Variants in SLC8B1 observed in about 807,000 individuals in gnomAD.
SLC8B1 encodes mitochondrial sodium/calcium exchanger protein.
A neutral mutation model predicts 63.4 loss-of-function variants in SLC8B1; 52 were observed. The ratio of observed to expected loss-of-function variants is 0.82; its 90% CI spans 0.66 to 1.03. The LOEUF is 1.03. Ranked by LOEUF, SLC8B1 falls within the 50% of genes least tolerant of loss-of-function variation. SLC8B1 has a pLI of 0.00. For missense variants in SLC8B1, 657 were observed against 741.7 expected, an observed-to-expected ratio of 0.89 and a Z score of 1.33; for synonymous variants, 336 against 323.9, an observed-to-expected ratio of 1.04 and a Z score of -0.40.
At chr12:113,323,107 G>A (rs1288489940) in intron 2 of SLC8B1, among the ~76,000 whole-genome samples, 1 of 152,172 alleles carries the variant, frequency 6.6e-6, no homozygotes. Context: ...GCCATTGGGT[G>A]AGGACTGCTA....
intron 2 of SLC8B1, among the ~76,000 whole-genome samples, chr12:113,322,875 G>T (rs964148868): frequency 1.3e-5 from 2 of 152,186 alleles, no homozygotes; most frequent in Non-Finnish European, 2.9e-5. Flanking sequence ...ACCTGAGCCT[G>T]GAAGTTCAAG....
intron 2 of SLC8B1, among the ~76,000 whole-genome samples, chr12:113,330,168 G>C (rs1415064171): frequency 6.6e-6 from 1 of 152,174 alleles, no homozygotes; most frequent in Non-Finnish European, 1.5e-5. Flanking sequence ...CTCCAGGGGG[G>C]CAGGGACCAG....
In SLC8B1 at chr12:113,310,285, A is replaced by G; in HGVS notation, c.1206T>C (p.Ala402=). ...VVVVIAGTAL[A]SVTFFATSDS... ...CAGATGTGGCAAAAAAGGTCACTGA[A>G]GCCAAGGCTGTGCCTGCGATCACCA... Residue 402 remains alanine, a synonymous_variant, in exon 12 of 16, where the codon GCT becomes GCC. Coordinates refer to ENST00000680972, the MANE Select transcript of SLC8B1 (RefSeq NM_001358345.2). The G allele has an allele frequency of 1.9e-6, 3 of 1,614,140 alleles. No homozygotes were observed. The highest frequency in any genetic ancestry group is 2.5e-6 in the Non-Finnish European group (3 of 1,180,020).
At chr12:113,307,606 C>T in intron 13 of SLC8B1, 85 bp downstream of exon 13, 1 of 1,509,934 alleles carries the variant, frequency 6.6e-7, no homozygotes, top group South Asian at 1.3e-5. Context: ...GACACTCCTG[C>T]CCAGATGCGA....
At position 113,305,074 on chromosome 12, in the gene SLC8B1, C is replaced by T. The variant is rs12422330; in HGVS notation, c.1493-689G>A. 0.086 allele frequency among the ~76,000 whole-genome samples: 13,117 copies of T among 152,226 alleles called. 678 individuals are homozygous for T. The highest frequency in any genetic ancestry group is 0.16 in the Middle Eastern group (47 of 292). On this transcript the variant is annotated intron_variant, in intron 14 of 15. Coordinates refer to ENST00000680972, the MANE Select transcript of SLC8B1 (RefSeq NM_001358345.2). This position sits in a 1 kb window ranked among gnomAD's most constrained non-coding sequence, Gnocchi z 4.3. ...ACCTTAGGGTGCCAGGAATGCTTGG[C>T]GCATGTAAGCACTCAGTAGGTGGGG...
intron 11 of SLC8B1, among the ~76,000 whole-genome samples, chr12:113,313,178 T>C (rs1005721930): frequency 9.9e-5 from 15 of 152,152 alleles, no homozygotes; most frequent in African/African-American, 2.9e-4. Flanking sequence ...AGTGCTGGGA[T>C]TACAGGCGTG....
At chr12:113,330,833 G>T (rs990231139) in intron 2 of SLC8B1, among the ~76,000 whole-genome samples, 2 of 152,112 alleles carry the variant, frequency 1.3e-5, no homozygotes, top group African/African-American at 4.8e-5. Flanking sequence ...TGAAGAAATG[G>T]TGAGAACTCC....
At chr12:113,333,032 ACT>A in intron 1 of SLC8B1, 72 bp from the exon 2 acceptor site, 1 of 935,208 alleles carries the variant, frequency 1.1e-6, no homozygotes, top group Non-Finnish European at 1.6e-6. Context: ...GGGCTGGAAG[ACT>A]CTAGTTAAGG....
intron 12 of SLC8B1, among the ~76,000 whole-genome samples, chr12:113,309,332 C>T (rs1956723994): frequency 6.6e-6 from 1 of 152,150 alleles, no homozygotes; most frequent in African/African-American, 2.4e-5. Flanking sequence ...CCACGCCCAG[C>T]TAATTTAAGT....
intron 7 of SLC8B1, among the ~76,000 whole-genome samples, chr12:113,319,574 T>C (rs1212074473): frequency 1.3e-5 from 2 of 152,110 alleles, no homozygotes; most frequent in Non-Finnish European, 1.5e-5. Context: ...TCCCTGCCCC[T>C]GCTGCCACGA....
Position 113,320,631 on chromosome 12 carries a change from A to G in SLC8B1, c.476T>C (p.Val159Ala). The G allele has an allele frequency of 6.2e-7, 1 of 1,614,138 alleles. No individual in the cohort carries two copies. The highest frequency in any genetic ancestry group is 8.5e-7 in the Non-Finnish European group (1 of 1,180,028). Residue 159 changes from valine to alanine, a missense_variant, in exon 6 of 16, where the codon GTG (valine) becomes GCG (alanine). Transcript: ENST00000680972. The surrounding 1 kb of genome is among the most constrained non-coding windows in gnomAD (Gnocchi z 5.3). ...NGAPDIFSALVAFSDPHTAGL... is the reference protein window; with the variant it reads ...NGAPDIFSALAAFSDPHTAGL... ...GGCTGTGTGCGGGTCAGAGAAGGCC[A>G]CCAGGGCACTGAAGATGTCAGGTGC...
intron 11 of SLC8B1, among the ~76,000 whole-genome samples, chr12:113,314,434 G>A (rs1956807120): frequency 6.6e-6 from 1 of 152,260 alleles, no homozygotes; most frequent in Admixed American, 6.5e-5. Flanking sequence ...ATAGGAAACA[G>A]ACAGCATGAG....
At chr12:113,327,556 G>A (rs1175334165) in intron 2 of SLC8B1, among the ~76,000 whole-genome samples, 1 of 151,486 alleles carries the variant, frequency 6.6e-6, no homozygotes, top group African/African-American at 2.4e-5. Flanking sequence ...ACGGTGGCGT[G>A]TGCCTGTGTT....
chr12:113,309,326 G>A (rs900740707), intron 12 of SLC8B1, among the ~76,000 whole-genome samples: 4 of 152,072 alleles, frequency 2.6e-5, no homozygotes, highest in African/African-American at 4.8e-5. Flanking sequence ...CCGCCACCAC[G>A]CCCAGCTAAT....
At chr12:113,312,931 A>G (rs577723324) in intron 11 of SLC8B1, among the ~76,000 whole-genome samples, 86 of 151,716 alleles carry the variant, frequency 5.7e-4, no homozygotes, top group African/African-American at 1.9e-3. Context: ...TTTGAGACAG[A>G]GTCTCACTCT....
At chr12:113,323,675 C>A (rs1956959724) in intron 2 of SLC8B1, among the ~76,000 whole-genome samples, 1 of 152,004 alleles carries the variant, frequency 6.6e-6, no homozygotes, top group African/African-American at 2.4e-5. Flanking sequence ...TACCACTGCA[C>A]TCCAGCCTGG....
In SLC8B1 at chr12:113,307,725, C is replaced by A. The variant is rs939330924; in HGVS notation, c.1377G>T (p.Gly459=). ...TGTTCCCCCAGGCCAGCAGCGTGAG[C>A]CCCAGCACAGTGTTGCTCAGCCGGA... ...VVFRLSNTVL[G]LTLLAWGNSI... The change falls in exon 13 of 16, where the codon GGG becomes GGT. Residue 459 remains glycine, a synonymous_variant. Coordinates refer to ENST00000680972, the MANE Select transcript of SLC8B1 (RefSeq NM_001358345.2). 3.1e-6 allele frequency: 5 copies of A among 1,614,068 alleles called. No homozygotes were observed. Among genetic ancestry groups the A allele is most frequent in the Non-Finnish European group, 4.2e-6 (5 of 1,180,022 alleles).
intron 2 of SLC8B1, among the ~76,000 whole-genome samples, chr12:113,325,002 C>CCCTGAATTTTTTTTGTCTGCATT (rs1956979540): frequency 6.6e-6 from 1 of 152,182 alleles, no homozygotes; most frequent in African/African-American, 2.4e-5. Context: ...CCATGCCCAA[C>CCCTGAATTTTTTTTGTCTGCATT]CAGCTCTACC....
chr12:113,319,231 C>T (rs1205798761), intron 7 of SLC8B1, 160 bp from the exon 8 acceptor site: 9 of 607,304 alleles, frequency 1.5e-5, no homozygotes, highest in African/African-American at 5.5e-5. Context: ...CTCCCCACTC[C>T]TTCCTCCTGC....
Sources: allele counts gnomAD v4.1 joint callset (sites outside exome capture counted in the v4.1 genomes callset), GRCh38; gene constraint gnomAD v4.1.1; non-coding constraint Gnocchi (gnomAD v3.1); transcripts MANE v1.5; gene names NCBI Gene and HGNC (gene_info 2026-07-23, HGNC 2026-07-21).